Variants in CHAT observed in about 807,000 individuals in gnomAD.
The protein encoded by CHAT is acetyl CoA:choline O-acetyltransferase.
In CHAT, 61 loss-of-function variants were observed where a neutral mutation model predicts 76.9. That is an observed-to-expected ratio of 0.79 (90% CI 0.65 to 0.98). The LOEUF (loss-of-function observed/expected upper bound fraction) is 0.98, where lower values mean the gene tolerates loss of function less well. Ranked by LOEUF, CHAT falls within the 50% of genes least tolerant of loss-of-function variation. CHAT has a pLI of 0.00. For missense variants in CHAT, 946 were observed against 986.9 expected (o/e 0.96, Z 0.56); for synonymous variants, 407 against 397.4 (o/e 1.02, Z -0.29).
At chr10:49,621,989 G>A (rs1838734744) in intron 4 of CHAT, 108 bp from the exon 5 acceptor site, 2 of 1,260,628 alleles carry the variant, frequency 1.6e-6, no homozygotes, top group South Asian at 1.2e-5. Flanking sequence ...GAGGGAAGAG[G>A]AAGGAGATGG....
At chr10:49,639,086 T>C (rs761042646) in intron 7 of CHAT, among the ~76,000 whole-genome samples, 1 of 151,916 alleles carries the variant, frequency 6.6e-6, no homozygotes, top group Non-Finnish European at 1.5e-5. Flanking sequence ...AATACAAAAA[T>C]TAGCCTGGCG....
chr10:49,610,978 C>T (rs919585742), upstream of CHAT: 2 of 1,611,496 alleles, frequency 1.2e-6, no homozygotes, highest in East Asian at 2.2e-5. Flanking sequence ...GGTGTGGGAG[C>T]CCACCCTGCC....
intron 1 of CHAT, chr10:49,616,207 G>A: frequency 9.3e-7 from 1 of 1,073,178 alleles, no homozygotes; most frequent in Non-Finnish European, 1.5e-6. Flanking sequence ...ACCCCTGGTG[G>A]ATTTGGATTG....
At chr10:49,647,562 G>C (rs1333139993) in intron 8 of CHAT, among the ~76,000 whole-genome samples, 1 of 152,114 alleles carries the variant, frequency 6.6e-6, no homozygotes, top group East Asian at 1.9e-4. Context: ...CCTTTTTATT[G>C]GTTTGCATAT....
chr10:49,614,478 G>C lies in CHAT; in HGVS notation c.286+3G>C. 6.5e-7 allele frequency: 1 copy of C among 1,544,622 alleles called. No homozygotes were observed. On this transcript the variant is annotated splice_donor_region_variant and intron_variant, in intron 1 of 14. Transcript: ENST00000337653. ...GGCAGCAGAGCCGAGGAGAGCAGGTGAGAAGAAGGGCTGGGCTGGGCTGGC... is the reference window on the plus strand; with the variant it reads ...GGCAGCAGAGCCGAGGAGAGCAGGTCAGAAGAAGGGCTGGGCTGGGCTGGC...
chr10:49,653,274 G>C (rs369314875), intron 11 of CHAT, among the ~76,000 whole-genome samples: 5 of 152,228 alleles, frequency 3.3e-5, no homozygotes, highest in African/African-American at 1.2e-4. Context: ...AGGAGTGAAG[G>C]CAGGGGAGAG....
At chr10:49,639,077 A>C (rs1434208115) in intron 7 of CHAT, among the ~76,000 whole-genome samples, 1 of 152,100 alleles carries the variant, frequency 6.6e-6, no homozygotes, top group East Asian at 1.9e-4. Context: ...TCTACTAATA[A>C]TACAAAAATT....
At position 49,649,568 on chromosome 10, in the gene CHAT, G is replaced by A. The variant is rs748314389; in HGVS notation, c.1443G>A (p.Arg481=). The A allele has an allele frequency of 6.2e-7, 1 of 1,613,894 alleles. No individual in the cohort carries two copies. Among genetic ancestry groups the A allele is most frequent in the South Asian group, 1.1e-5 (1 of 91,078 alleles). Residue 481 remains arginine (R), a synonymous_variant, in exon 10 of 15, where the codon CGG becomes CGA. Transcript: ENST00000337653. The stretch of plus-strand genomic sequence containing the variant: ...CCGTCAGCGAGCTCCCCGCCCCCCG[G>A]AGGCTGCGGTGGAAATGCTCCCCGG... ...ADSVSELPAP[R]RLRWKCSPEI... is the part of the protein sequence containing the mutation.
intron 11 of CHAT, among the ~76,000 whole-genome samples, chr10:49,652,330 T>C (rs1839906486): frequency 6.6e-6 from 1 of 151,908 alleles, no homozygotes; most frequent in Admixed American, 6.6e-5. Flanking sequence ...CATCCCAACT[T>C]CCCCCATCTC....
intron 7 of CHAT, among the ~76,000 whole-genome samples, chr10:49,644,525 C>T (rs1159636973): frequency 6.6e-6 from 1 of 152,052 alleles, no homozygotes; most frequent in African/African-American, 2.4e-5. Flanking sequence ...GCAGGGAAGC[C>T]CAAGAGGCCA....
At chr10:49,662,536 G>A (rs1840224605) in intron 13 of CHAT, 109 bp from the exon 14 acceptor site, 3 of 1,404,398 alleles carry the variant, frequency 2.1e-6, no homozygotes, top group Admixed American at 1.7e-5. Context: ...GGGTAAGCAT[G>A]AGCCGTGGCT....
Position 49,627,792 on chromosome 10 carries a change from C to T in CHAT, c.1111+7C>T, listed in dbSNP as rs767946637. 115 of 1,612,454 alleles carry T rather than the reference C, an allele frequency of 7.1e-5. No individual in the cohort carries two copies. Among genetic ancestry groups the T allele is most frequent in the African/African-American group, 1.2e-4 (9 of 74,916 alleles). On this transcript the variant is annotated splice_region_variant and intron_variant, in intron 7 of 14. Coordinates refer to ENST00000337653, the MANE Select transcript of CHAT (RefSeq NM_020549.5). ...AGGACGGTCCTCGTGAAAGGTCAGC[C>T]GCAGTGCCCAGCACATCTCCATGCC...
intron 11 of CHAT, among the ~76,000 whole-genome samples, chr10:49,653,236 C>T (rs1349747301): frequency 6.6e-6 from 1 of 151,738 alleles, no homozygotes; most frequent in Non-Finnish European, 1.5e-5. Context: ...AGCTGTGTGT[C>T]GGGGAAGGGG....
upstream of CHAT, chr10:49,612,632 G>T: frequency 2.5e-6 from 1 of 394,978 alleles, no homozygotes; most frequent in Non-Finnish European, 4.7e-6. Context: ...GCATCTGTCT[G>T]TCCTTCCTTC....
In CHAT at chr10:49,664,907, C is replaced by A. The variant is rs1316112613; in HGVS notation, c.2108C>A (p.Ser703Tyr). Residue 703 changes from serine (S) to tyrosine (Y), a missense_variant, in exon 15 of 15, where the codon TCT becomes TAT. Physicochemically the swap from Ser to Tyr is moderately radical, Grantham distance 144. Transcript: ENST00000337653. The part of the protein sequence containing the change: ...ISSFHSCKET[S>Y]SSKFAKAVEE... Reference sequence around the variant, plus strand: ...AGCTTTCACAGCTGCAAAGAGACTTCTTCTAGCAAGTTTGCAAAAGCTGTG... The same window carrying A: ...AGCTTTCACAGCTGCAAAGAGACTTATTCTAGCAAGTTTGCAAAAGCTGTG... 15 of 1,614,260 alleles carry A rather than the reference C, an allele frequency of 9.3e-6. No individual in the cohort carries two copies. The highest frequency in any genetic ancestry group is 1.3e-5 in the Non-Finnish European group (15 of 1,180,050).
rs191667904 is a variant in CHAT, at chr10:49,647,734, C to T, written c.1282-773C>T. ...AGCCTTGGTAGCAGTTTTCAAAAGA[C>T]ACCGCTTTCCTTCCTTCCTTCCTTC... On this transcript the variant is annotated intron_variant, in intron 8 of 14. Coordinates refer to ENST00000337653, the MANE Select transcript of CHAT (RefSeq NM_020549.5). Among the ~76,000 whole-genome samples the T allele has an allele frequency of 6.6e-3, 991 of 151,056 alleles. 10 individuals carry two copies. The highest frequency in any genetic ancestry group is 0.023 in the African/African-American group (943 of 40,852).
At chr10:49,649,407 C>T (rs565652996) in intron 9 of CHAT, 101 bp from the exon 10 acceptor site, 229 of 1,565,442 alleles carry the variant, frequency 1.5e-4, no homozygotes, top group African/African-American at 7.8e-4. Context: ...ACTCCATGGC[C>T]GCAAACACTG....
At chr10:49,614,029 T>A, upstream of CHAT, 7 of 1,306,866 alleles carry the variant, frequency 5.4e-6, no homozygotes, top group Non-Finnish European at 7.4e-6. Flanking sequence ...GGAAGTGCGG[T>A]GACTGGGAAA....
chr10:49,624,748 G>C (rs1052541196), intron 5 of CHAT, among the ~76,000 whole-genome samples: 1 of 151,804 alleles, frequency 6.6e-6, no homozygotes, highest in Non-Finnish European at 1.5e-5. Flanking sequence ...TGGATGGATG[G>C]ATGGATGGAA....
Sources: allele counts gnomAD v4.1 joint callset (sites outside exome capture counted in the v4.1 genomes callset), GRCh38; gene constraint gnomAD v4.1.1; transcripts MANE v1.5; gene names NCBI Gene and HGNC (gene_info 2026-07-23, HGNC 2026-07-21).